Variants in TBC1D19 observed in about 807,000 individuals in gnomAD.
TBC1D19 encodes the protein TBC1 domain family, member 19.
A neutral mutation model predicts 89.0 loss-of-function variants in TBC1D19; 60 were observed. The ratio of observed to expected loss-of-function variants is 0.67; its 90% confidence interval spans 0.55 to 0.84. TBC1D19 has a LOEUF of 0.84. Among genes scored for constraint, TBC1D19 ranks in the 40% least tolerant of loss-of-function variants. The probability of loss-of-function intolerance (pLI) is 0.00; values close to 1 mark genes in which losing one functional copy is unlikely to be tolerated. For synonymous variants in TBC1D19, 189 were observed against 199.7 expected (o/e 0.95, Z 0.45); for missense variants, 500 against 610.8 (o/e 0.82, Z 1.91).
chr4:26,730,330 A>T (rs918415484), intron 15 of TBC1D19, among the ~76,000 whole-genome samples: 2 of 152,206 alleles, frequency 1.3e-5, no homozygotes, highest in Non-Finnish European at 2.9e-5. Flanking sequence ...AAAAATTATT[A>T]AAAGACAGTA....
intron 7 of TBC1D19, among the ~76,000 whole-genome samples, chr4:26,653,670 G>A (rs539743595): frequency 6.6e-6 from 1 of 152,238 alleles, no homozygotes; most frequent in South Asian, 2.1e-4. Context: ...TTTAAAGTCT[G>A]TTTTATCAGA....
the TBC1D19 span, among the ~76,000 whole-genome samples, chr4:26,767,003 C>A: frequency 6.6e-6 from 1 of 152,084 alleles, no homozygotes; most frequent in African/African-American, 2.4e-5. Context: ...TTTAGGGTTT[C>A]ATGAGCAATA....
At chr4:26,679,622 C>T (rs1713154905) in intron 11 of TBC1D19, among the ~76,000 whole-genome samples, 3 of 152,184 alleles carry the variant, frequency 2.0e-5, no homozygotes, top group Admixed American at 2.0e-4. Flanking sequence ...GAGCCACCAT[C>T]CTCCAGACCC....
intron 11 of TBC1D19, among the ~76,000 whole-genome samples, chr4:26,680,107 C>G (rs1231662559): frequency 6.6e-6 from 1 of 152,066 alleles, no homozygotes; most frequent in Non-Finnish European, 1.5e-5. Context: ...CCCCTGTGGC[C>G]CTGTGAAGAG....
Position 26,673,805 on chromosome 4 carries a change from C to G in TBC1D19, c.733C>G (p.Gln245Glu), listed in dbSNP as rs1417085850. Residue 245 changes from glutamine (Q) to glutamate (E), a missense_variant, in exon 11 of 21, where the codon CAA becomes GAA. Physicochemically the swap from Gln to Glu is conservative, Grantham distance 29. Coordinates refer to ENST00000264866, the MANE Select transcript of TBC1D19 (RefSeq NM_018317.4). ...VLAEQDSAAA[Q>E]QYIRQGSPTA... ...AGCAGAACAAGATAGTGCTGCTGCT[C>G]AACAGTACATCAGACAAGGAAGTCC... is the stretch of plus-strand genomic sequence containing the variant. 6.2e-7 allele frequency: 1 copy of G among 1,611,606 alleles called. No homozygotes were observed. Among genetic ancestry groups the G allele is most frequent in the Admixed American group, 1.7e-5 (1 of 59,844 alleles).
intron 17 of TBC1D19, among the ~76,000 whole-genome samples, chr4:26,741,703 A>G (rs1471059767): frequency 6.6e-6 from 1 of 151,944 alleles, no homozygotes; most frequent in Non-Finnish European, 1.5e-5. Flanking sequence ...GCTAGACTGA[A>G]CTATTTGGAA....
At chr4:26,673,732 T>C in intron 10 of TBC1D19, 44 bp from the exon 11 acceptor site, 2 of 1,264,146 alleles carry the variant, frequency 1.6e-6, no homozygotes, top group Non-Finnish European at 2.3e-6. Flanking sequence ...TGATGTTTCT[T>C]ACATTCTGAG....
At chr4:26,658,596 T>G (rs1337602211) in intron 7 of TBC1D19, among the ~76,000 whole-genome samples, 3 of 152,250 alleles carry the variant, frequency 2.0e-5, no homozygotes, top group African/African-American at 4.8e-5. Flanking sequence ...ATATGAAGTT[T>G]AAAGTAGTTT....
At chr4:26,716,838 G>T (rs1279784080) in intron 13 of TBC1D19, among the ~76,000 whole-genome samples, 1 of 151,682 alleles carries the variant, frequency 6.6e-6, no homozygotes, top group Non-Finnish European at 1.5e-5. Context: ...CAGAGATGAG[G>T]TTTCACCATG....
At chr4:26,733,177 T>C (rs1318056247) in intron 15 of TBC1D19, among the ~76,000 whole-genome samples, 1 of 152,202 alleles carries the variant, frequency 6.6e-6, no homozygotes, top group Non-Finnish European at 1.5e-5. Context: ...GCATACCAGC[T>C]CAGAATAATT....
At chr4:26,664,556 A>G (rs1174000883) in intron 8 of TBC1D19, among the ~76,000 whole-genome samples, 3 of 152,134 alleles carry the variant, frequency 2.0e-5, no homozygotes, top group Admixed American at 2.0e-4. Flanking sequence ...ATGGAAAACA[A>G]TGGTTGAAAA....
At chr4:26,775,175 G>A in the TBC1D19 span, among the ~76,000 whole-genome samples, 1 of 152,224 alleles carries the variant, frequency 6.6e-6, no homozygotes, top group Non-Finnish European at 1.5e-5. Flanking sequence ...TGCCAGGCCA[G>A]ATGCAGTGGC....
chr4:26,630,403 T>A (rs1742733220), intron 4 of TBC1D19, among the ~76,000 whole-genome samples: 1 of 152,096 alleles, frequency 6.6e-6, no homozygotes, highest in Admixed American at 6.6e-5. Flanking sequence ...TTGAATTTAT[T>A]TTGTAAGTCT....
chr4:26,713,898 C>T (rs1336873400), intron 13 of TBC1D19, among the ~76,000 whole-genome samples: 1 of 151,984 alleles, frequency 6.6e-6, no homozygotes, highest in Non-Finnish European at 1.5e-5. Context: ...CACAGAGACA[C>T]TCATATGTGT....
At chr4:26,584,083 C>T, upstream of TBC1D19, 3 of 1,051,872 alleles carry the variant, frequency 2.9e-6, no homozygotes, top group Non-Finnish European at 4.2e-6. Flanking sequence ...GGAGGAGTCC[C>T]AGTGTAATAA....
chr4:26,626,821 T>TTTTTTTA (rs1742439241), intron 4 of TBC1D19, among the ~76,000 whole-genome samples: 1 of 150,032 alleles, frequency 6.7e-6, no homozygotes, highest in African/African-American at 2.4e-5. Flanking sequence ...TCAAATTCTT[T>TTTTTTTA]TTTTTATTTT....
intron 8 of TBC1D19, among the ~76,000 whole-genome samples, chr4:26,661,108 G>A (rs1388164628): frequency 1.3e-5 from 2 of 152,104 alleles, no homozygotes; most frequent in Admixed American, 6.6e-5. Context: ...TAGTCCCCCA[G>A]ATTCCCATCA....
chr4:26,584,122 G>A lies in TBC1D19; in HGVS notation c.-72G>A. ...CCCGGAGAAGTGTCACTGGCCCTGA[G>A]TGGGACCCGGTAGCCCGTTCGCTCC... On this transcript the variant is annotated 5_prime_UTR_variant, in exon 1 of 21. It adds an upstream start codon to the 5' untranslated region. Coordinates refer to ENST00000264866, the MANE Select transcript of TBC1D19 (RefSeq NM_018317.4). The A allele has an allele frequency of 6.7e-7, 1 of 1,484,448 alleles. No homozygotes were observed. The highest frequency in any genetic ancestry group is 1.9e-5 in the Admixed American group (1 of 51,558). The allele number at this position is 1,484,448 out of a possible 1,614,324, so 92.0% of individuals were successfully genotyped here.
At chr4:26,711,275 A>T (rs1192862861) in intron 13 of TBC1D19, among the ~76,000 whole-genome samples, 2 of 152,152 alleles carry the variant, frequency 1.3e-5, no homozygotes, top group African/African-American at 2.4e-5. Flanking sequence ...CATTTATTAA[A>T]TAGGGAATCC....
Sources: gnomAD v4.1 joint callset for allele counts (sites outside exome capture counted in the v4.1 genomes callset) on GRCh38, gnomAD v4.1.1 for gene constraint, MANE v1.5 for transcripts, NCBI Gene and HGNC (gene_info 2026-07-23, HGNC 2026-07-21) for gene names.